CUX1: variants seen among roughly 807,000 people sequenced by gnomAD.
CUX1 encodes protein CASP.
A neutral mutation model predicts 158.8 loss-of-function variants in CUX1; 31 were observed. The ratio of observed to expected loss-of-function variants is 0.20; its 90% CI spans 0.15 to 0.26. CUX1 has a LOEUF of 0.26. CUX1 is among the 10% of genes least tolerant of loss of function. The pLI is 1.00. For synonymous variants in CUX1, 879 were observed against 862.1 expected, an observed-to-expected ratio of 1.02 and a Z score of -0.34; for missense variants, 1,589 against 2,014.6, an observed-to-expected ratio of 0.79 and a Z score of 4.04.
chr7:101,962,748 T>G (rs1810667746), intron 2 of CUX1, among the ~76,000 whole-genome samples: 1 of 152,132 alleles, frequency 6.6e-6, no homozygotes, highest in South Asian at 2.1e-4. Flanking sequence ...TGAAACAGGG[T>G]CTTGCTCTGT....
chr7:102,223,697 G>C (rs909681278), intron 20 of CUX1, among the ~76,000 whole-genome samples: 1 of 152,034 alleles, frequency 6.6e-6, no homozygotes, highest in African/African-American at 2.4e-5. Flanking sequence ...GGTCAGGCGC[G>C]GTGGCTCACA....
intron 7 of CUX1, among the ~76,000 whole-genome samples, chr7:102,114,913 G>A (rs1260088157): frequency 2.8e-5 from 4 of 143,066 alleles, no homozygotes; most frequent in Non-Finnish European, 4.6e-5. Context: ...AAGAAAGAAG[G>A]AAGGGAGAGT....
chr7:101,986,646 A>G (rs773745119), intron 2 of CUX1, among the ~76,000 whole-genome samples: 3 of 152,224 alleles, frequency 2.0e-5, no homozygotes, highest in Non-Finnish European at 2.9e-5. Context: ...GCCTGGAGGC[A>G]TGCCCTCCCT....
intron 3 of CUX1, among the ~76,000 whole-genome samples, chr7:102,065,253 A>AT (rs1347298056): frequency 6.6e-6 from 1 of 151,796 alleles, no homozygotes; most frequent in Non-Finnish European, 1.5e-5. Flanking sequence ...TCTAATTTGT[A>AT]TTTTTTTGTA....
chr7:101,870,908 T>C (rs971303992), intron 1 of CUX1, among the ~76,000 whole-genome samples: 1 of 152,216 alleles, frequency 6.6e-6, no homozygotes, highest in Non-Finnish European at 1.5e-5. Context: ...GCGCCTCGCC[T>C]AGTTCCACGC....
chr7:101,999,660 G>A (rs1469591096), intron 2 of CUX1, among the ~76,000 whole-genome samples: 4 of 152,204 alleles, frequency 2.6e-5, no homozygotes, highest in Non-Finnish European at 5.9e-5. Flanking sequence ...TGACGGGCTC[G>A]TCTGCAGCAG....
intron 3 of CUX1, among the ~76,000 whole-genome samples, chr7:102,058,103 C>T (rs190637529): frequency 1.3e-5 from 2 of 152,220 alleles, no homozygotes; most frequent in African/African-American, 4.8e-5. Context: ...CTCAGATAAT[C>T]GTTAGCATAT....
chr7:101,937,710 A>G (rs1807114886), intron 2 of CUX1, among the ~76,000 whole-genome samples: 1 of 152,038 alleles, frequency 6.6e-6, no homozygotes, highest in African/African-American at 2.4e-5. Flanking sequence ...ACGGGGTTTC[A>G]TCATGTTGGC....
intron 2 of CUX1, among the ~76,000 whole-genome samples, chr7:101,997,487 G>C (rs1372245816): frequency 6.6e-6 from 1 of 151,994 alleles, no homozygotes; most frequent in African/African-American, 2.4e-5. Context: ...GGGATTACAG[G>C]TGCCCACCAC....
chr7:102,003,184 C>A (rs1385495740), intron 2 of CUX1, among the ~76,000 whole-genome samples: 1 of 152,052 alleles, frequency 6.6e-6, no homozygotes, highest in Non-Finnish European at 1.5e-5. Flanking sequence ...CAGGCGTGAG[C>A]CACCAAGCTC....
chr7:101,993,009 G>A (rs1213264485), intron 2 of CUX1, among the ~76,000 whole-genome samples: 1 of 152,098 alleles, frequency 6.6e-6, no homozygotes, highest in Non-Finnish European at 1.5e-5. Context: ...GGCCTGGGCG[G>A]GAGGGTCCAC....
chr7:101,917,603 A>C (rs767460728), intron 2 of CUX1, among the ~76,000 whole-genome samples: 22 of 152,220 alleles, frequency 1.4e-4, no homozygotes, highest in Middle Eastern at 6.8e-3. Context: ...CAGGAGGAAA[A>C]AAAGAGCTGG....
At position 101,863,182 on chromosome 7, in the gene CUX1, A is replaced by G. The variant is rs75577283; in HGVS notation, c.30+45513A>G. Among the ~76,000 whole-genome samples the G allele has an allele frequency of 8.6e-3, 1,317 of 152,268 alleles. 7 individuals are homozygous for G. The highest frequency in any genetic ancestry group is 0.015 in the Non-Finnish European group (990 of 68,016). ...ACCATTAGCACACCCTCGAAAAATG[A>G]CAAAGATTCATCAATATCAGCTATC... On this transcript the variant is annotated intron_variant, in intron 1 of 23. Transcript: ENST00000292535.
chr7:101,997,717 G>T (rs1468345859), intron 2 of CUX1, among the ~76,000 whole-genome samples: 2 of 152,158 alleles, frequency 1.3e-5, no homozygotes, highest in Non-Finnish European at 2.9e-5. Context: ...GGCCGATGTT[G>T]TGCCCATTGT....
At chr7:101,968,269 A>G (rs1811475083) in intron 2 of CUX1, among the ~76,000 whole-genome samples, 1 of 151,996 alleles carries the variant, frequency 6.6e-6, no homozygotes, top group African/African-American at 2.4e-5. Flanking sequence ...GGTGGGAGGG[A>G]GTTCCTATAT....
At chr7:102,207,226 C>T (rs1322939170) in intron 20 of CUX1, among the ~76,000 whole-genome samples, 1 of 152,036 alleles carries the variant, frequency 6.6e-6, no homozygotes, top group Non-Finnish European at 1.5e-5. Context: ...GGCGATGAGC[C>T]CCTGGATGAA....
Position 102,248,687 on chromosome 7 carries a change from A to T in CUX1, c.4163A>T (p.Asp1388Val). 1 of 1,275,752 alleles carries T rather than the reference A, an allele frequency of 7.8e-7. No homozygotes were observed. The highest frequency in any genetic ancestry group is 1.8e-5 in the South Asian group (1 of 57,002). The allele number at this position is 1,275,752 out of a possible 1,614,324, so 79.0% of individuals were successfully genotyped here. A position where few individuals can be genotyped will look rare whatever the true frequency, so the allele number is the denominator to read the frequency against. Residue 1388 changes from aspartate (D) to valine (V), a missense_variant, in exon 24 of 24, where the codon GAC becomes GTC. Transcript: ENST00000292535. This position sits in a 1 kb window ranked among gnomAD's most constrained non-coding sequence, Gnocchi z 5.8. Reference sequence around the variant, plus strand: ...ACCCCGGGCCCGGACGACGCCCGCGACGACGACCACGAGGGAGGCCCCGTG... The same window carrying T: ...ACCCCGGGCCCGGACGACGCCCGCGTCGACGACCACGAGGGAGGCCCCGTG... ...SGTPGPDDAR[D>V]DDHEGGPVEG...
At chr7:102,182,491 C>G (rs555513614) in intron 11 of CUX1, among the ~76,000 whole-genome samples, 2 of 152,334 alleles carry the variant, frequency 1.3e-5, no homozygotes, top group Admixed American at 6.5e-5. Context: ...TGCACATCTT[C>G]GAGTCTGTCC....
At chr7:101,872,936 G>A (rs1157717720) in intron 1 of CUX1, among the ~76,000 whole-genome samples, 2 of 152,010 alleles carry the variant, frequency 1.3e-5, no homozygotes, top group East Asian at 3.9e-4. Flanking sequence ...GCAGTGGCCC[G>A]ATCTCAGCTC....
Sources: gnomAD v4.1 joint callset for allele counts (sites outside exome capture counted in the v4.1 genomes callset) on GRCh38, gnomAD v4.1.1 for gene constraint, Gnocchi (gnomAD v3.1) non-coding constraint, MANE v1.5 for transcripts, NCBI Gene and HGNC (gene_info 2026-07-23, HGNC 2026-07-21) for gene names.